The following MYO1D variants were observed in gnomAD, a reference collection of about 807,000 sequenced individuals.
MYO1D encodes the protein myosin ID.
MYO1D carries 83 observed loss-of-function variants against 122.0 expected under a neutral mutation model. That is an observed-to-expected ratio of 0.68 (90% CI 0.57 to 0.82). MYO1D has a LOEUF of 0.82. Ranked by LOEUF, MYO1D falls within the 40% of genes least tolerant of loss-of-function variation. The pLI is 0.00. For missense variants in MYO1D, 1,157 were observed against 1,269.5 expected (o/e 0.91, Z 1.35); for synonymous variants, 464 against 446.9 (o/e 1.04, Z -0.48).
chr17:32,662,571 G>T (rs1267073255), intron 16 of MYO1D, among the ~76,000 whole-genome samples: 1 of 152,140 alleles, frequency 6.6e-6, no homozygotes, highest in Non-Finnish European at 1.5e-5. Context: ...TACTCGTGAG[G>T]CTGAGGCAGG....
Position 32,771,159 on chromosome 17 carries a change from G to A in MYO1D, c.680C>T (p.Ser227Phe), listed in dbSNP as rs1567633899. ...RSLHLQKSLS[S>F]YNYIHVGAQL... ...AGCTCCCACATGAATATAGTTGTAG[G>A]ATGAAAGGGATTTCTGGAGATGTAG... Residue 227 changes from serine (S) to phenylalanine (F), a missense_variant, in exon 6 of 22, where the codon TCC becomes TTC. Physicochemically the swap from Ser to Phe is radical, Grantham distance 155. Transcript: ENST00000318217. The A allele has an allele frequency of 6.2e-7, 1 of 1,610,990 alleles. No individual in the cohort carries two copies. The highest frequency in any genetic ancestry group is 1.3e-5 in the African/African-American group (1 of 74,838).
chr17:32,822,955 CA>C (rs943276520), intron 1 of MYO1D, among the ~76,000 whole-genome samples: 2 of 152,136 alleles, frequency 1.3e-5, no homozygotes, highest in Non-Finnish European at 2.9e-5. Flanking sequence ...ACGTTGTGCA[CA>C]TGTACCCTAA....
chr17:32,863,803 T>C (rs1240258637), intron 1 of MYO1D, among the ~76,000 whole-genome samples: 1 of 152,178 alleles, frequency 6.6e-6, no homozygotes, highest in East Asian at 1.9e-4. Context: ...TCTCATTTGA[T>C]ATAATAATCT....
chr17:32,821,992 A>C (rs1289542326), intron 1 of MYO1D, among the ~76,000 whole-genome samples: 1 of 152,236 alleles, frequency 6.6e-6, no homozygotes. Context: ...TAGAACTAGA[A>C]ATACCATTTG....
chr17:32,846,005 T>C (rs181559820), intron 1 of MYO1D, among the ~76,000 whole-genome samples: 1 of 151,630 alleles, frequency 6.6e-6, no homozygotes, highest in African/African-American at 2.4e-5. Context: ...TGGTGAGTAG[T>C]GGGAGAAGGT....
chr17:32,542,917 G>A (rs1405743807), intron 21 of MYO1D, among the ~76,000 whole-genome samples: 1 of 152,070 alleles, frequency 6.6e-6, no homozygotes, highest in Admixed American at 6.6e-5. Context: ...CCGACCCTGG[G>A]ATTCAATGAT....
intron 19 of MYO1D, among the ~76,000 whole-genome samples, chr17:32,640,074 A>G (rs1292734943): frequency 3.9e-5 from 6 of 152,184 alleles, no homozygotes; most frequent in Admixed American, 6.5e-5. Flanking sequence ...CCTTTGCCCC[A>G]TAGTTTTAGA....
chr17:32,608,706 T>A (rs1280158555), intron 20 of MYO1D, among the ~76,000 whole-genome samples: 1 of 152,222 alleles, frequency 6.6e-6, no homozygotes, highest in Non-Finnish European at 1.5e-5. Flanking sequence ...CATGAATGTT[T>A]ACAGCAGCTC....
chr17:32,630,827 C>T (rs1364716966), intron 20 of MYO1D, among the ~76,000 whole-genome samples: 2 of 152,156 alleles, frequency 1.3e-5, no homozygotes, highest in Non-Finnish European at 2.9e-5. Flanking sequence ...CCCGCCTCAG[C>T]CTCTCAAAGT....
chr17:32,793,497 T>C (rs1453652196), intron 1 of MYO1D, among the ~76,000 whole-genome samples: 2 of 152,192 alleles, frequency 1.3e-5, no homozygotes, highest in African/African-American at 4.8e-5. Context: ...AAAAATTGTA[T>C]TGCTTGACAT....
intron 1 of MYO1D, among the ~76,000 whole-genome samples, chr17:32,814,804 A>G (rs1221811752): frequency 6.6e-6 from 1 of 152,226 alleles, no homozygotes; most frequent in African/African-American, 2.4e-5. Context: ...TTACCCATAC[A>G]TTAGTCCAAT....
At chr17:32,643,988 GT>G (rs1360846822) in intron 19 of MYO1D, among the ~76,000 whole-genome samples, 1 of 152,094 alleles carries the variant, frequency 6.6e-6, no homozygotes, top group Non-Finnish European at 1.5e-5. Context: ...TGCTTCTCTA[GT>G]TCTTTTAATT....
At chr17:32,608,744 G>A (rs1210786742) in intron 20 of MYO1D, among the ~76,000 whole-genome samples, 2 of 152,146 alleles carry the variant, frequency 1.3e-5, no homozygotes, top group Non-Finnish European at 2.9e-5. Flanking sequence ...AGCTGGAAAC[G>A]ACCCAAATAT....
chr17:32,842,992 A>C (rs1351772211), intron 1 of MYO1D, among the ~76,000 whole-genome samples: 1 of 149,584 alleles, frequency 6.7e-6, no homozygotes, highest in African/African-American at 2.5e-5. Context: ...GGGTTCAAGC[A>C]ATTCTCCTGT....
chr17:32,826,705 G>T (rs943347846), intron 1 of MYO1D, among the ~76,000 whole-genome samples: 3 of 152,104 alleles, frequency 2.0e-5, no homozygotes, highest in Non-Finnish European at 4.4e-5. Flanking sequence ...CTGAATAGAA[G>T]ACAAACTAGT....
intron 14 of MYO1D, among the ~76,000 whole-genome samples, chr17:32,725,912 G>C (rs2089566930): frequency 6.6e-6 from 1 of 152,130 alleles, no homozygotes; most frequent in Admixed American, 6.6e-5. Context: ...CTTCTCAAAA[G>C]AAACTATGAA....
chr17:32,590,078 T>C (rs1374378690), intron 21 of MYO1D, among the ~76,000 whole-genome samples: 1 of 152,248 alleles, frequency 6.6e-6, no homozygotes, highest in Non-Finnish European at 1.5e-5. Flanking sequence ...TCAGGCTTTG[T>C]CTTGTTGGGC....
intron 8 of MYO1D, among the ~76,000 whole-genome samples, chr17:32,763,373 G>A (rs539740167): frequency 3.3e-5 from 5 of 152,232 alleles, no homozygotes; most frequent in East Asian, 1.9e-4. Context: ...AAAGTTAGAC[G>A]TGAGAAAATA....
chr17:32,789,619 T>C (rs2090330733), intron 1 of MYO1D, among the ~76,000 whole-genome samples: 1 of 152,126 alleles, frequency 6.6e-6, no homozygotes, highest in Non-Finnish European at 1.5e-5. Flanking sequence ...TATCTGGAAA[T>C]AGGGTTTTTG....
Sources: allele counts gnomAD v4.1 joint callset (sites outside exome capture counted in the v4.1 genomes callset), GRCh38; gene constraint gnomAD v4.1.1; transcripts MANE v1.5; gene names NCBI Gene and HGNC (gene_info 2026-07-23, HGNC 2026-07-21).